NALF1: variants seen among roughly 807,000 people sequenced by gnomAD.
NALF1 encodes the protein family with sequence similarity 155 member A.
In NALF1, 3 loss-of-function variants were observed where a neutral mutation model predicts 48.4. The observed-to-expected ratio is 0.06, with a 90% CI of 0.03 to 0.16. The LOEUF is 0.16. Ranked by LOEUF, NALF1 falls within the 10% of genes least tolerant of loss-of-function variation. The pLI is 1.00. For missense variants in NALF1, 526 were observed against 571.5 expected (o/e 0.92, Z 0.81); for synonymous variants, 262 against 245.7 (o/e 1.07, Z -0.62).
At chr13:107,217,229 AGTT>A (rs1368091194) in intron 1 of NALF1, among the ~76,000 whole-genome samples, 1 of 152,108 alleles carries the variant, frequency 6.6e-6, no homozygotes, top group African/African-American at 2.4e-5. Flanking sequence ...CTGGAAAATC[AGTT>A]GTTGTCTTAT....
chr13:107,205,505 G>A (rs1879621243), intron 2 of NALF1, among the ~76,000 whole-genome samples: 1 of 151,916 alleles, frequency 6.6e-6, no homozygotes, highest in Admixed American at 6.6e-5. Flanking sequence ...ACCAGGGGGC[G>A]CCCATCTCCC....
chr13:107,636,369 T>C (rs1246492728), intron 1 of NALF1, among the ~76,000 whole-genome samples: 2 of 152,170 alleles, frequency 1.3e-5, no homozygotes, highest in Admixed American at 6.6e-5. Flanking sequence ...TGGAATTGTC[T>C]GGTACCAATA....
chr13:107,194,090 A>G (rs1879344136), intron 2 of NALF1, among the ~76,000 whole-genome samples: 1 of 152,004 alleles, frequency 6.6e-6, no homozygotes, highest in African/African-American at 2.4e-5. Flanking sequence ...TGAATAATAT[A>G]CCTTGATGTT....
intron 1 of NALF1, among the ~76,000 whole-genome samples, chr13:107,392,168 T>C (rs896996648): frequency 7.2e-5 from 11 of 152,220 alleles, no homozygotes; most frequent in African/African-American, 2.6e-4. Flanking sequence ...ACCTCTAGCA[T>C]TGGACCCTTA....
chr13:107,317,328 A>G (rs1236190914), intron 1 of NALF1, among the ~76,000 whole-genome samples: 1 of 152,078 alleles, frequency 6.6e-6, no homozygotes, highest in Non-Finnish European at 1.5e-5. Flanking sequence ...TCATTAAAGC[A>G]TATCTGTACT....
chr13:107,592,941 G>C (rs1566406706), intron 1 of NALF1, among the ~76,000 whole-genome samples: 1 of 151,642 alleles, frequency 6.6e-6, no homozygotes, highest in South Asian at 2.1e-4. Flanking sequence ...TAGCATTTGG[G>C]TAGCAGTCTA....
intron 1 of NALF1, among the ~76,000 whole-genome samples, chr13:107,720,699 T>C (rs1875958078): frequency 6.6e-6 from 1 of 152,036 alleles, no homozygotes; most frequent in South Asian, 2.1e-4. Context: ...CCAGATAGAA[T>C]TTGTTATTTT....
chr13:107,418,966 C>T (rs139462330), intron 1 of NALF1, among the ~76,000 whole-genome samples: 117 of 152,200 alleles, frequency 7.7e-4, no homozygotes, highest in Admixed American at 4.4e-3. Flanking sequence ...AAGTAGATGG[C>T]AAGAATATCA....
intron 2 of NALF1, among the ~76,000 whole-genome samples, chr13:107,198,415 C>G (rs146206079): frequency 4.6e-5 from 7 of 152,326 alleles, no homozygotes; most frequent in African/African-American, 1.7e-4. Flanking sequence ...TGTTAATACC[C>G]TTTCTTCGTT....
intron 1 of NALF1, among the ~76,000 whole-genome samples, chr13:107,610,804 A>C (rs1879204867): frequency 6.6e-6 from 1 of 152,182 alleles, no homozygotes; most frequent in East Asian, 1.9e-4. Flanking sequence ...CTTAATTCTA[A>C]GAATATTATT....
At chr13:107,384,155 A>C (rs1883486604) in intron 1 of NALF1, among the ~76,000 whole-genome samples, 1 of 152,122 alleles carries the variant, frequency 6.6e-6, no homozygotes, top group South Asian at 2.1e-4. Flanking sequence ...TGGGAGGCTG[A>C]TGTGGAAGGA....
chr13:107,579,918 A>G (rs547637357), intron 1 of NALF1, among the ~76,000 whole-genome samples: 1 of 151,932 alleles, frequency 6.6e-6, no homozygotes. Flanking sequence ...AACTAGAAAT[A>G]CCATTTGACC....
intron 1 of NALF1, among the ~76,000 whole-genome samples, chr13:107,597,277 C>A (rs960784455): frequency 6.6e-6 from 1 of 152,142 alleles, no homozygotes; most frequent in Non-Finnish European, 1.5e-5. Context: ...CACATACACA[C>A]ACACACAAAT....
At chr13:107,555,442 T>C (rs1407655397) in intron 1 of NALF1, among the ~76,000 whole-genome samples, 2 of 87,520 alleles carry the variant, frequency 2.3e-5, no homozygotes, top group Non-Finnish European at 4.8e-5. Context: ...CTGGCTAATT[T>C]TTTTTTTTTT....
intron 1 of NALF1, among the ~76,000 whole-genome samples, chr13:107,449,942 T>C (rs1201183472): frequency 6.6e-6 from 1 of 152,162 alleles, no homozygotes; most frequent in African/African-American, 2.4e-5. Context: ...GAACACACTC[T>C]CATTTGCTAG....
chr13:107,446,718 T>C (rs1884657159), intron 1 of NALF1, among the ~76,000 whole-genome samples: 1 of 152,148 alleles, frequency 6.6e-6, no homozygotes, highest in African/African-American at 2.4e-5. Flanking sequence ...TATAAAGACA[T>C]CTCTGAGAGA....
intron 1 of NALF1, among the ~76,000 whole-genome samples, chr13:107,382,191 T>C (rs1055049796): frequency 5.3e-5 from 8 of 152,200 alleles, no homozygotes; most frequent in Non-Finnish European, 1.0e-4. Flanking sequence ...GTGAATCCAC[T>C]GTAACACCAT....
chr13:107,468,950 G>C (rs559625805), intron 1 of NALF1, among the ~76,000 whole-genome samples: 16 of 152,254 alleles, frequency 1.1e-4, no homozygotes, highest in African/African-American at 3.1e-4. Flanking sequence ...ACAACAGCAT[G>C]ATTATAGTTG....
chr13:107,299,389 T>A (rs547707839), intron 1 of NALF1, among the ~76,000 whole-genome samples: 12 of 150,838 alleles, frequency 8.0e-5, no homozygotes, highest in Non-Finnish European at 1.5e-4. Flanking sequence ...GTGAGCGAGA[T>A]CCTGCCACCG....
Sources: allele counts gnomAD v4.1 joint callset (sites outside exome capture counted in the v4.1 genomes callset), GRCh38; gene constraint gnomAD v4.1.1; transcripts MANE v1.5; gene names NCBI Gene and HGNC (gene_info 2026-07-23, HGNC 2026-07-21).